Variants in ARHGEF17 observed in about 807,000 individuals in gnomAD.
The protein encoded by ARHGEF17 is Rho guanine nucleotide exchange factor 17.
A neutral mutation model predicts 174.0 loss-of-function variants in ARHGEF17; 80 were observed. The ratio of observed to expected loss-of-function variants is 0.46; its 90% CI spans 0.38 to 0.55. The LOEUF is 0.55. Ranked by LOEUF, ARHGEF17 falls within the 20% of genes least tolerant of loss-of-function variation. The pLI is 0.00. For synonymous variants in ARHGEF17, 1,311 were observed against 1,189.1 expected, an observed-to-expected ratio of 1.10 and a Z score of -2.11; for missense variants, 2,886 against 2,839.7, an observed-to-expected ratio of 1.02 and a Z score of -0.37.
intron 1 of ARHGEF17, among the ~76,000 whole-genome samples, chr11:73,345,143 C>A (rs1865438943): frequency 6.6e-6 from 1 of 152,162 alleles, no homozygotes; most frequent in African/African-American, 2.4e-5. Flanking sequence ...CTACAGTGAG[C>A]CTTGCTCGCA....
chr11:73,326,377 C>A (rs12284575), intron 1 of ARHGEF17, among the ~76,000 whole-genome samples: 1 of 151,998 alleles, frequency 6.6e-6, no homozygotes, highest in Non-Finnish European at 1.5e-5. Context: ...AGGTGGGCCC[C>A]GGGAGTTCCT....
At chr11:73,333,741 C>G (rs549842842) in intron 1 of ARHGEF17, among the ~76,000 whole-genome samples, 19 of 152,284 alleles carry the variant, frequency 1.2e-4, no homozygotes, top group African/African-American at 4.6e-4. Flanking sequence ...TGCAACCCAG[C>G]TGGTTGGGCC....
chr11:73,359,813 G>C, intron 9 of ARHGEF17, 21 bp from the exon 10 acceptor site: 1 of 1,565,908 alleles, frequency 6.4e-7, no homozygotes, highest in Middle Eastern at 1.7e-4. Context: ...ATCAGTCCAC[G>C]GCCTTCCTCT....
chr11:73,350,444 T>C (rs1266580864), intron 2 of ARHGEF17, among the ~76,000 whole-genome samples: 1 of 152,204 alleles, frequency 6.6e-6, no homozygotes, highest in Non-Finnish European at 1.5e-5. Context: ...TGAAACCCTG[T>C]CATTGTGACT....
intron 1 of ARHGEF17, among the ~76,000 whole-genome samples, chr11:73,335,723 G>A (rs1865276534): frequency 6.6e-6 from 1 of 152,120 alleles, no homozygotes; most frequent in Non-Finnish European, 1.5e-5. Flanking sequence ...CTGAAATCAG[G>A]AAGGAAGGTC....
At chr11:73,346,170 C>T (rs1417739709) in intron 1 of ARHGEF17, among the ~76,000 whole-genome samples, 2 of 152,090 alleles carry the variant, frequency 1.3e-5, no homozygotes, top group Non-Finnish European at 2.9e-5. Flanking sequence ...CCTTTTTCCC[C>T]TCCCTAACAT....
intron 3 of ARHGEF17, among the ~76,000 whole-genome samples, chr11:73,353,892 C>T (rs1249920228): frequency 6.6e-6 from 1 of 152,192 alleles, no homozygotes; most frequent in Admixed American, 6.5e-5. Flanking sequence ...AATTTAATTA[C>T]ATTTGAAAAA....
chr11:73,313,800 C>T (rs1864883579), intron 1 of ARHGEF17, among the ~76,000 whole-genome samples: 1 of 152,226 alleles, frequency 6.6e-6, no homozygotes, highest in African/African-American at 2.4e-5. Context: ...TATCCCTGCT[C>T]TGTGCCTCAC....
intron 2 of ARHGEF17, 126 bp downstream of exon 2, chr11:73,347,086 T>C (rs1865475534): frequency 3.1e-6 from 3 of 959,620 alleles, no homozygotes; most frequent in East Asian, 2.6e-5. Flanking sequence ...CTGGCATCCG[T>C]CGCCTTTCCA....
intron 2 of ARHGEF17, 106 bp from the exon 3 acceptor site, chr11:73,352,724 G>A: frequency 7.8e-7 from 1 of 1,281,022 alleles, no homozygotes; most frequent in South Asian, 1.3e-5. Flanking sequence ...AGGGCGCTGA[G>A]CTGCAGGCCC....
intron 1 of ARHGEF17, among the ~76,000 whole-genome samples, chr11:73,341,286 A>G (rs533023410): frequency 3.9e-4 from 59 of 152,286 alleles, no homozygotes; most frequent in Non-Finnish European, 6.3e-4. Flanking sequence ...CATTTGCACT[A>G]AAACTGGTAT....
chr11:73,329,348 TATATATATATATATATATATATATA>T (rs1286126840), intron 1 of ARHGEF17, among the ~76,000 whole-genome samples: 13 of 40,370 alleles, frequency 3.2e-4, no homozygotes, highest in South Asian at 1.5e-3. Flanking sequence ...TATATATATA[TATATATATATATATATATATATATA>T]TTTTTTTTTT....
At chr11:73,328,255 C>G (rs114551568) in intron 1 of ARHGEF17, among the ~76,000 whole-genome samples, 1,956 of 152,266 alleles carry the variant, frequency 0.013, 46 homozygotes, top group African/African-American at 0.045. Flanking sequence ...GGCAGCTGTC[C>G]AAAGGAAAAG....
chr11:73,362,605 C>G lies in ARHGEF17; in HGVS notation c.4867C>G (p.Leu1623Val), dbSNP rs532365621. Residue 1623 changes from leucine (L) to valine (V), a missense_variant, in exon 14 of 21, where the codon CTC (leucine) becomes GTC (valine). Physicochemically the swap from Leu to Val is conservative, Grantham distance 32. Coordinates refer to ENST00000263674, the MANE Select transcript of ARHGEF17 (RefSeq NM_014786.4). The part of the protein sequence containing the change: ...AGSGLEMTPG[L>V]GEGDPRPELV... ...CTCGGGCTTGGAGATGACGCCGGGC[C>G]TCGGCGAGGGTGACCCCCGCCCAGA... The G allele has an allele frequency of 7.4e-6, 12 of 1,611,074 alleles. No individual in the cohort carries two copies. The East Asian group carries it at 2.7e-4, about 36-fold the overall frequency.
At position 73,311,842 on chromosome 11, in the gene ARHGEF17, G is replaced by A. The variant is rs757524070; in HGVS notation, c.3192+12G>A. On this transcript the variant is annotated intron_variant, in intron 1 of 20. Transcript: ENST00000263674. ...GCAAGCCACAGGTGGTGAGTCCTTT[G>A]TAGGGGCCTTCAGATTGGGGCCAAA... 122 of 1,582,996 alleles carry A rather than the reference G, an allele frequency of 7.7e-5. 1 individual carries two copies. In the East Asian group the frequency reaches 2.4e-3, roughly 31 times the overall value.
Position 73,365,616 on chromosome 11 carries a change from C to A in ARHGEF17, c.5725+52C>A, listed in dbSNP as rs545223109. 2 of 1,608,284 alleles carry A rather than the reference C, an allele frequency of 1.2e-6. No individual in the cohort carries two copies. Among genetic ancestry groups the A allele is most frequent in the African/African-American group, 1.3e-5 (1 of 74,960 alleles). ...CCTCCTTGGAGCCTTTCTGCCCGAT[C>A]GTAGAGGCGGCTGAGCCAGGGCCAG... On this transcript the variant is annotated intron_variant, in intron 19 of 20. Coordinates refer to ENST00000263674, the MANE Select transcript of ARHGEF17 (RefSeq NM_014786.4). This position sits in a 1 kb window ranked among gnomAD's most constrained non-coding sequence, Gnocchi z 4.9.
chr11:73,310,590 A>G lies in ARHGEF17; in HGVS notation c.1952A>G (p.Asp651Gly), dbSNP rs2135784356. 1 of 1,614,102 alleles carries G rather than the reference A, an allele frequency of 6.2e-7. No homozygotes were observed. ...CTGACAGATGAAGGCATTGGGGCAG[A>G]CCCTGAGCCTCCTGTTGCAGCATTT... The part of the protein sequence containing the change: ...SSLTDEGIGA[D>G]PEPPVAAFCG... The change falls in exon 1 of 21, where the codon GAC (aspartate) becomes GGC (glycine). Residue 651 changes from aspartate to glycine, a missense_variant. Asp to Gly is a moderately conservative substitution (Grantham distance 94). This residue lies in a region of ARHGEF17 where 1,728 missense variants were observed against 1,461.2 expected (regional missense o/e 1.18). Coordinates refer to ENST00000263674, the MANE Select transcript of ARHGEF17 (RefSeq NM_014786.4).
chr11:73,349,470 C>A (rs55980420), intron 2 of ARHGEF17, among the ~76,000 whole-genome samples: 3 of 152,100 alleles, frequency 2.0e-5, no homozygotes, highest in East Asian at 3.9e-4. Flanking sequence ...CAAAAATCAG[C>A]TGGGTGTGGT....
intron 2 of ARHGEF17, among the ~76,000 whole-genome samples, chr11:73,348,732 A>G (rs1202486797): frequency 1.3e-5 from 2 of 152,220 alleles, no homozygotes; most frequent in East Asian, 1.9e-4. Flanking sequence ...ATTTAATACC[A>G]TTGAACTGTA....
Sources: gnomAD v4.1 joint callset for allele counts (sites outside exome capture counted in the v4.1 genomes callset) on GRCh38, gnomAD v4.1.1 for gene constraint, gnomAD v4.1.1 regional missense constraint, Gnocchi (gnomAD v3.1) non-coding constraint, MANE v1.5 for transcripts, NCBI Gene and HGNC (gene_info 2026-07-23, HGNC 2026-07-21) for gene names.